LBH: variants seen among roughly 807,000 people sequenced by gnomAD.
LBH encodes LBH regulator of Wnt signaling pathway.
LBH carries 7 observed loss-of-function variants against 12.5 expected under a neutral mutation model. That is an observed-to-expected ratio of 0.56 (90% confidence interval 0.32 to 1.05). The LOEUF (loss-of-function observed/expected upper bound fraction) is 1.05. Ranked by LOEUF, LBH falls within the 50% of genes least tolerant of loss-of-function variation. The pLI is 0.04. For synonymous variants in LBH, 51 were observed against 50.1 expected (o/e 1.02, Z -0.08); for missense variants, 119 against 138.9 (o/e 0.86, Z 0.72).
At chr2:30,255,486 C>T (rs1452348258) in intron 2 of LBH, among the ~76,000 whole-genome samples, 1 of 152,206 alleles carries the variant, frequency 6.6e-6, no homozygotes, top group South Asian at 2.1e-4. Flanking sequence ...TTATGAGCCT[C>T]GTTAAGTCTT....
At chr2:30,251,583 C>T (rs1036327697) in intron 2 of LBH, among the ~76,000 whole-genome samples, 5 of 148,822 alleles carry the variant, frequency 3.4e-5, no homozygotes, top group African/African-American at 1.2e-4. Flanking sequence ...GGGAGGATCA[C>T]TTGATCCTGG....
chr2:30,245,558 C>T (rs888062244), intron 2 of LBH, among the ~76,000 whole-genome samples: 8 of 152,286 alleles, frequency 5.3e-5, no homozygotes, highest in East Asian at 3.9e-4. Flanking sequence ...AGCCTGACAT[C>T]GGGTTACCTA....
chr2:30,254,111 G>A (rs1470032621), intron 2 of LBH, among the ~76,000 whole-genome samples: 1 of 152,148 alleles, frequency 6.6e-6, no homozygotes, highest in Non-Finnish European at 1.5e-5. Context: ...ATCTCTGGGG[G>A]ATACGTTCCA....
intron 2 of LBH, among the ~76,000 whole-genome samples, chr2:30,236,911 AC>A (rs2103556295): frequency 6.7e-6 from 1 of 149,866 alleles, no homozygotes; most frequent in African/African-American, 2.4e-5. Context: ...ACCTTCAGAT[AC>A]CCCTGGGCTT....
intron 2 of LBH, among the ~76,000 whole-genome samples, chr2:30,245,539 C>T (rs1677856155): frequency 6.6e-6 from 1 of 152,120 alleles, no homozygotes; most frequent in African/African-American, 2.4e-5. Context: ...AAGGAATGTC[C>T]TCTACAGTAG....
At chr2:30,240,495 T>C (rs2103557944) in intron 2 of LBH, among the ~76,000 whole-genome samples, 1 of 152,284 alleles carries the variant, frequency 6.6e-6, no homozygotes, top group South Asian at 2.1e-4. Flanking sequence ...GGGGCTTCAT[T>C]CCTTCCCAGT....
intron 2 of LBH, among the ~76,000 whole-genome samples, 193 bp downstream of exon 2, chr2:30,234,700 G>A (rs1677655504): frequency 2.0e-5 from 3 of 152,190 alleles, no homozygotes; most frequent in Admixed American, 2.0e-4. Flanking sequence ...TCCTAAGATT[G>A]TGGTAAAGAT....
chr2:30,256,814 C>CTTA, intron 2 of LBH: 1 of 154,580 alleles, frequency 6.5e-6, no homozygotes, highest in Non-Finnish European at 1.4e-5. Context: ...GTGTGAGCCA[C>CTTA]CAGGCCCAGC....
intron 2 of LBH, 59 bp from the exon 3 acceptor site, chr2:30,257,374 A>C: frequency 6.4e-7 from 1 of 1,569,460 alleles, no homozygotes; most frequent in Non-Finnish European, 8.8e-7. Flanking sequence ...CAAAGAAGGA[A>C]TGGAATTTCT....
At chr2:30,236,611 AT>A (rs1174944010) in intron 2 of LBH, among the ~76,000 whole-genome samples, 1 of 152,218 alleles carries the variant, frequency 6.6e-6, no homozygotes, top group Admixed American at 6.5e-5. Context: ...AGATTGTAGT[AT>A]TTAACCAAGC....
In LBH at chr2:30,257,342, C is replaced by A. The variant is rs905963273; in HGVS notation, c.130-91C>A. 3 of 1,405,276 alleles carry A rather than the reference C, an allele frequency of 2.1e-6. No homozygotes were observed. In the African/African-American group the frequency reaches 4.2e-5, roughly 20 times the overall value. 87.1% of individuals were successfully genotyped at this position (1,405,276 alleles called of 1,614,324 possible). A position where few individuals can be genotyped will look rare whatever the true frequency, so the allele number is the denominator to read the frequency against. On this transcript the variant is annotated intron_variant, in intron 2 of 2. Coordinates refer to ENST00000395323, the MANE Select transcript of LBH (RefSeq NM_030915.4). ...CACAGTCCCTGGCCTATGGCATGCA[C>A]CCAGTATGCCACATGGATGTGCAAA...
intron 2 of LBH, among the ~76,000 whole-genome samples, chr2:30,235,730 G>A (rs113947890): frequency 0.023 from 3,550 of 152,164 alleles, 59 homozygotes; most frequent in South Asian, 0.045. Flanking sequence ...AGGGAGCCAG[G>A]GTGGGTGCCA....
In LBH at chr2:30,257,334, G is replaced by A; in HGVS notation, c.130-99G>A. On this transcript the variant is annotated intron_variant, in intron 2 of 2. Transcript: ENST00000395323. ...GTGCAAAGCACAGTCCCTGGCCTATGGCATGCACCCAGTATGCCACATGGA... is the reference window on the plus strand; with the variant it reads ...GTGCAAAGCACAGTCCCTGGCCTATAGCATGCACCCAGTATGCCACATGGA... 3 of 1,335,788 alleles carry A rather than the reference G, an allele frequency of 2.2e-6. No individual in the cohort carries two copies. In the East Asian group the frequency reaches 6.9e-5, roughly 31 times the overall value. The allele number at this position is 1,335,788 out of a possible 1,614,324, so 82.7% of individuals were successfully genotyped here. A position where few individuals can be genotyped will look rare whatever the true frequency, so the allele number is the denominator to read the frequency against.
At chr2:30,238,359 A>G (rs1677726170) in intron 2 of LBH, among the ~76,000 whole-genome samples, 1 of 152,196 alleles carries the variant, frequency 6.6e-6, no homozygotes, top group South Asian at 2.1e-4. Context: ...AAGCACCTGG[A>G]CCAAGGTCTG....
In LBH at chr2:30,231,631, C is replaced by G; in HGVS notation, c.-108C>G. ...AAGGCGGACGGCGAGCGCCCGGTGT[C>G]CGCACTCGGCCGCCTGCCGTGCCCG... On this transcript the variant is annotated 5_prime_UTR_variant, in exon 1 of 3. Transcript: ENST00000395323. The G allele has an allele frequency of 5.3e-6, 6 of 1,140,768 alleles. No homozygotes were observed. Among genetic ancestry groups the G allele is most frequent in the Non-Finnish European group, 7.8e-6 (6 of 767,282 alleles). The allele number at this position is 1,140,768 out of a possible 1,614,324, so 70.7% of individuals were successfully genotyped here.
At chr2:30,250,984 C>A (rs1441660401) in intron 2 of LBH, among the ~76,000 whole-genome samples, 4 of 149,610 alleles carry the variant, frequency 2.7e-5, no homozygotes, top group African/African-American at 7.4e-5. Flanking sequence ...ATATAAATTT[C>A]TATTAATAAA....
intron 2 of LBH, among the ~76,000 whole-genome samples, chr2:30,245,392 G>A (rs1006763324): frequency 6.6e-6 from 1 of 152,192 alleles, no homozygotes; most frequent in African/African-American, 2.4e-5. Flanking sequence ...AGGAGACAGA[G>A]TTGTTCAGAA....
At chr2:30,239,125 A>C (rs1677741680) in intron 2 of LBH, among the ~76,000 whole-genome samples, 1 of 152,016 alleles carries the variant, frequency 6.6e-6, no homozygotes, top group Admixed American at 6.6e-5. Flanking sequence ...CAGAAGCAGC[A>C]ACTCATCTCT....
chr2:30,236,841 G>A (rs1572376674), intron 2 of LBH, among the ~76,000 whole-genome samples: 1 of 152,198 alleles, frequency 6.6e-6, no homozygotes, highest in Non-Finnish European at 1.5e-5. Flanking sequence ...CTGGGGCTGG[G>A]CTCTGAAAGA....
Sources: allele counts gnomAD v4.1 joint callset (sites outside exome capture counted in the v4.1 genomes callset), GRCh38; gene constraint gnomAD v4.1.1; transcripts MANE v1.5; gene names NCBI Gene and HGNC (gene_info 2026-07-23, HGNC 2026-07-21).